SIK3: variants seen among roughly 807,000 people sequenced by gnomAD.
The protein encoded by SIK3 is SIK family kinase 3, also known as serine/threonine-protein kinase SIK3.
Under a neutral mutation model 144.2 loss-of-function variants are expected in SIK3, and 28 were observed. The observed-to-expected ratio is 0.19, with a 90% confidence interval of 0.14 to 0.27. The LOEUF (loss-of-function observed/expected upper bound fraction) is 0.27, where lower values mean the gene tolerates loss of function less well. SIK3 is among the 10% of genes least tolerant of loss of function. SIK3 has a pLI of 1.00. For missense variants in SIK3, 1,319 were observed against 1,776.0 expected (o/e 0.74, Z 4.62); for synonymous variants, 686 against 676.3 (o/e 1.01, Z -0.22).
At chr11:116,853,448 G>A (rs147681170) in intron 21 of SIK3, among the ~76,000 whole-genome samples, 114 of 152,328 alleles carry the variant, frequency 7.5e-4, no homozygotes, top group Non-Finnish European at 1.5e-3. Flanking sequence ...GTGCAGAGGT[G>A]GGATGATCGT....
chr11:116,965,746 T>TATATATATAC (rs1949509365), intron 1 of SIK3, among the ~76,000 whole-genome samples: 2 of 5,422 alleles, frequency 3.7e-4, no homozygotes, highest in African/African-American at 8.5e-4. Context: ...TATATATATA[T>TATATATATAC]ATATATATAT....
intron 4 of SIK3, among the ~76,000 whole-genome samples, chr11:116,902,845 C>A (rs888623490): frequency 1.3e-5 from 2 of 152,182 alleles, no homozygotes; most frequent in South Asian, 4.1e-4. Flanking sequence ...AATTACTGAG[C>A]CTGCGGTATC....
At chr11:116,992,725 T>C (rs1190634831) in intron 1 of SIK3, among the ~76,000 whole-genome samples, 1 of 152,198 alleles carries the variant, frequency 6.6e-6, no homozygotes, top group African/African-American at 2.4e-5. Flanking sequence ...CTCATGACTA[T>C]AATAATCCCA....
intron 3 of SIK3, among the ~76,000 whole-genome samples, chr11:116,949,506 T>A (rs1365692193): frequency 6.6e-6 from 1 of 152,202 alleles, no homozygotes; most frequent in East Asian, 1.9e-4. Flanking sequence ...CATCAGTGTT[T>A]TTTTGTTTTA....
chr11:116,933,023 G>A (rs1321821894), intron 3 of SIK3, among the ~76,000 whole-genome samples: 1 of 152,028 alleles, frequency 6.6e-6, no homozygotes, highest in Non-Finnish European at 1.5e-5. Context: ...TTCCTGCCTA[G>A]GCCTTCCAAA....
At chr11:116,969,829 T>C (rs1182267498) in intron 1 of SIK3, among the ~76,000 whole-genome samples, 1 of 152,170 alleles carries the variant, frequency 6.6e-6, no homozygotes, top group East Asian at 1.9e-4. Context: ...GCAGAACAGT[T>C]TGGAAATCAC....
At chr11:116,985,162 A>T (rs1364570504) in intron 1 of SIK3, among the ~76,000 whole-genome samples, 4 of 152,184 alleles carry the variant, frequency 2.6e-5, no homozygotes, top group Non-Finnish European at 5.9e-5. Flanking sequence ...AGCAAGACAG[A>T]CAATAGGGCA....
At chr11:116,965,987 G>A (rs941856447) in intron 1 of SIK3, among the ~76,000 whole-genome samples, 3 of 151,076 alleles carry the variant, frequency 2.0e-5, no homozygotes, top group African/African-American at 4.9e-5. Flanking sequence ...AGAGAATGTA[G>A]GACAAACAGG....
At chr11:116,875,325 T>C in intron 10 of SIK3, 49 bp downstream of exon 10, 1 of 1,613,172 alleles carries the variant, frequency 6.2e-7, no homozygotes, top group Non-Finnish European at 8.5e-7. Flanking sequence ...AGCAAGGATA[T>C]GGCAAAGAAA....
chr11:117,025,919 A>G (rs1344925429), intron 1 of SIK3, among the ~76,000 whole-genome samples: 1 of 152,182 alleles, frequency 6.6e-6, no homozygotes, highest in East Asian at 1.9e-4. Context: ...CTTGTGTTCA[A>G]TACTAAGCCA....
chr11:117,061,296 C>T (rs1307342841), intron 1 of SIK3, among the ~76,000 whole-genome samples: 2 of 151,926 alleles, frequency 1.3e-5, no homozygotes, highest in East Asian at 1.9e-4. Context: ...TAAGGTATTA[C>T]CATTTGAGTC....
chr11:117,086,502 A>C (rs1268094448), intron 1 of SIK3, among the ~76,000 whole-genome samples: 1 of 151,962 alleles, frequency 6.6e-6, no homozygotes, highest in Non-Finnish European at 1.5e-5. Flanking sequence ...CACCCTGGCC[A>C]GCATGGTGAA....
Position 116,846,573 on chromosome 11 carries a change from G to GT in SIK3, c.3953-21dup, listed in dbSNP as rs1565349422. 1 of 1,613,924 alleles carries GT rather than the reference G, an allele frequency of 6.2e-7. No individual in the cohort carries two copies. The highest frequency in any genetic ancestry group is 1.7e-5 in the Admixed American group (1 of 60,014). ...CACATTCTGCAAGACCAAAAAGAAC[G>GT]TATGAGGTTGGCAGGGAACTGGGGG... On this transcript the variant is annotated intron_variant, in intron 23 of 24. Transcript: ENST00000445177. The surrounding 1 kb of genome is among the most constrained non-coding windows in gnomAD (Gnocchi z 4.1).
chr11:116,897,427 G>T, intron 4 of SIK3, 110 bp from the exon 5 acceptor site: 1 of 984,548 alleles, frequency 1.0e-6, no homozygotes, highest in Non-Finnish European at 1.5e-6. Flanking sequence ...AATATTAAAT[G>T]CAAAAAGAGA....
intron 1 of SIK3, among the ~76,000 whole-genome samples, chr11:117,027,222 G>A (rs533104901): frequency 6.6e-6 from 1 of 152,282 alleles, no homozygotes; most frequent in South Asian, 2.1e-4. Flanking sequence ...AGTCATCTCT[G>A]CTCTAACTAT....
In SIK3 at chr11:117,004,404, T is replaced by A. The variant is rs145062915; in HGVS notation, c.274-47340A>T. Among the ~76,000 whole-genome samples the A allele has an allele frequency of 1.8e-4, 27 of 152,146 alleles. No homozygotes were observed. In the South Asian group the frequency reaches 1.9e-3, roughly 11 times the overall value. Reference sequence around the variant, plus strand: ...GATGGTGCACACCTGTGGTCCCAGCTACTCAGGAGGATGAGGTGGGAGGAT... The same window carrying A: ...GATGGTGCACACCTGTGGTCCCAGCAACTCAGGAGGATGAGGTGGGAGGAT... On this transcript the variant is annotated intron_variant, in intron 1 of 24. Coordinates refer to ENST00000445177, the MANE Select transcript of SIK3 (RefSeq NM_001366686.3).
intron 1 of SIK3, among the ~76,000 whole-genome samples, chr11:116,957,448 T>A (rs1313207771): frequency 2.0e-5 from 3 of 152,174 alleles, no homozygotes; most frequent in Non-Finnish European, 4.4e-5. Context: ...AAAAAATTTT[T>A]AAAAAGGCAA....
At chr11:117,093,465 T>C (rs1955334452) in intron 1 of SIK3, among the ~76,000 whole-genome samples, 1 of 152,222 alleles carries the variant, frequency 6.6e-6, no homozygotes. Flanking sequence ...CAAGGGCAAA[T>C]GTGTCCTTAA....
At chr11:116,876,503 C>G in intron 7 of SIK3, 140 bp from the exon 8 acceptor site, 1 of 706,072 alleles carries the variant, frequency 1.4e-6, no homozygotes, top group South Asian at 1.5e-5. Context: ...GGAAGAGAGC[C>G]CTGAGTGATC....
Sources: gnomAD v4.1 joint callset for allele counts (sites outside exome capture counted in the v4.1 genomes callset) on GRCh38, gnomAD v4.1.1 for gene constraint, Gnocchi (gnomAD v3.1) non-coding constraint, MANE v1.5 for transcripts, NCBI Gene and HGNC (gene_info 2026-07-23, HGNC 2026-07-21) for gene names.